Variants in ST6GAL1 observed in about 807,000 individuals in gnomAD.
The protein encoded by ST6GAL1 is beta-galactoside alpha-2,6-sialyltransferase 1.
ST6GAL1 carries 20 observed loss-of-function variants against 38.0 expected under a neutral mutation model. That is an observed-to-expected ratio of 0.53 (90% confidence interval 0.37 to 0.77). The LOEUF (loss-of-function observed/expected upper bound fraction) is 0.77, where lower values mean the gene tolerates loss of function less well. Ranked by LOEUF, ST6GAL1 falls within the 30% of genes least tolerant of loss-of-function variation. The pLI is 0.00. For missense variants in ST6GAL1, 432 were observed against 496.4 expected (o/e 0.87, Z 1.23); for synonymous variants, 196 against 188.2 (o/e 1.04, Z -0.34).
rs765716288 is a variant in ST6GAL1, at chr3:187,074,158, G to A, written c.805-1G>A. On this transcript the variant is annotated splice_acceptor_variant, in intron 6 of 7. Coordinates refer to ENST00000169298, the MANE Select transcript of ST6GAL1 (RefSeq NM_173216.2). LOFTEE classifies it high-confidence loss of function. ...GAGAGGACCACTTCTTTCTTTTTCA[G>A]TGGTACCAGAATCCGGATTATAATT... is the stretch of plus-strand genomic sequence containing the variant. The A allele has an allele frequency of 1.2e-6, 2 of 1,604,358 alleles. No individual in the cohort carries two copies. The highest frequency in any genetic ancestry group is 1.1e-5 in the South Asian group (1 of 88,588).
chr3:187,047,246 A>T (rs1227673079), intron 4 of ST6GAL1, among the ~76,000 whole-genome samples: 1 of 141,894 alleles, frequency 7.0e-6, no homozygotes, highest in Non-Finnish European at 1.5e-5. Context: ...CGCCCGGCCA[A>T]GTCATAGTTT....
At chr3:187,005,013 G>A (rs952035091) in intron 2 of ST6GAL1, among the ~76,000 whole-genome samples, 15 of 151,820 alleles carry the variant, frequency 9.9e-5, no homozygotes, top group Non-Finnish European at 1.8e-4. Flanking sequence ...TCTTACAAAC[G>A]TTTTTGACTG....
intron 1 of ST6GAL1, among the ~76,000 whole-genome samples, chr3:186,954,238 A>G (rs1714674490): frequency 6.6e-6 from 1 of 152,104 alleles, no homozygotes; most frequent in Non-Finnish European, 1.5e-5. Context: ...TCACTGATGG[A>G]CGTTTGGGTT....
intron 2 of ST6GAL1, among the ~76,000 whole-genome samples, chr3:187,037,890 T>C: frequency 6.6e-6 from 1 of 152,210 alleles, no homozygotes; most frequent in East Asian, 1.9e-4. Flanking sequence ...TACTTTTTTC[T>C]AGTACTTTTT....
rs1202612953 is a variant in ST6GAL1, at chr3:187,075,883, T to C, written c.*80T>C. ...CCCCAGCCTGGGAAGAACATTTTCC[T>C]GAACAATTCCAGCCTGCTCCTTTTA... is the stretch of plus-strand genomic sequence containing the variant. On this transcript the variant is annotated 3_prime_UTR_variant, in exon 8 of 8. Transcript: ENST00000169298. The surrounding 1 kb of genome is among the most constrained non-coding windows in gnomAD (Gnocchi z 4.1). The C allele has an allele frequency of 1.3e-6, 2 of 1,576,224 alleles. No individual in the cohort carries two copies. Among genetic ancestry groups the C allele is most frequent in the Non-Finnish European group, 1.7e-6 (2 of 1,161,408 alleles).
intron 2 of ST6GAL1, among the ~76,000 whole-genome samples, chr3:186,985,723 C>T (rs546441899): frequency 6.7e-6 from 1 of 149,038 alleles, no homozygotes; most frequent in South Asian, 2.1e-4. Context: ...TGCAGTGAGC[C>T]GAGATTGCGC....
chr3:187,051,826 T>C (rs1718526010), intron 5 of ST6GAL1, among the ~76,000 whole-genome samples: 1 of 152,186 alleles, frequency 6.6e-6, no homozygotes, highest in African/African-American at 2.4e-5. Flanking sequence ...TTCCCCTGGA[T>C]AATTAGGTTC....
intron 5 of ST6GAL1, among the ~76,000 whole-genome samples, chr3:187,058,308 TCCAACCAGTC>T (rs1189075237): frequency 2.0e-5 from 3 of 152,162 alleles, no homozygotes; most frequent in Admixed American, 2.0e-4. Context: ...GCACCCACTG[TCCAACCAGTC>T]CCAATGATAT....
At chr3:186,961,184 C>T (rs1404229108) in intron 1 of ST6GAL1, among the ~76,000 whole-genome samples, 1 of 152,116 alleles carries the variant, frequency 6.6e-6, no homozygotes, top group African/African-American at 2.4e-5. Context: ...CCATGTTGAC[C>T]AAGCTGGTCT....
rs1263748344 is a variant in ST6GAL1, at chr3:187,075,038, C to T, written c.980-524C>T. Among the ~76,000 whole-genome samples the T allele has an allele frequency of 6.6e-6, 1 of 152,142 alleles. No individual in the cohort carries two copies. The highest frequency in any genetic ancestry group is 2.4e-5 in the African/African-American group (1 of 41,420). On this transcript the variant is annotated intron_variant, in intron 7 of 7. Transcript: ENST00000169298. The surrounding 1 kb of genome is among the most constrained non-coding windows in gnomAD (Gnocchi z 4.1). ...ATTCAGACTGTGGAGTGCTCCTGTT[C>T]CAGCTGTCCCTTTGCCCAGCTAAGG...
At chr3:187,064,326 A>AG (rs997992650) in intron 5 of ST6GAL1, among the ~76,000 whole-genome samples, 1 of 152,186 alleles carries the variant, frequency 6.6e-6, no homozygotes, top group Non-Finnish European at 1.5e-5. Context: ...GAGATAAGGC[A>AG]GGGGGAGGGG....
At chr3:186,975,834 T>C (rs531636897) in intron 2 of ST6GAL1, among the ~76,000 whole-genome samples, 2 of 152,262 alleles carry the variant, frequency 1.3e-5, no homozygotes, top group East Asian at 1.9e-4. Context: ...GGACTCACGA[T>C]TGGGACTAGG....
chr3:187,042,778 G>A lies in ST6GAL1; in HGVS notation c.75G>A (p.Val25=). The A allele has an allele frequency of 6.2e-7, 1 of 1,614,194 alleles. No individual in the cohort carries two copies. Among genetic ancestry groups the A allele is most frequent in the Non-Finnish European group, 8.5e-7 (1 of 1,180,024 alleles). Residue 25 remains valine, a synonymous_variant, in exon 4 of 8, where the codon GTG becomes GTA. Coordinates refer to ENST00000169298, the MANE Select transcript of ST6GAL1 (RefSeq NM_173216.2). ...LVFLLFAVIC[V]WKEKKKGSYY... ...TTCTTCTGTTTGCAGTCATCTGTGT[G>A]TGGAAGGAAAAGAAGAAAGGGAGTT...
chr3:186,933,180 C>T (rs1713821290), intron 1 of ST6GAL1, among the ~76,000 whole-genome samples: 4 of 152,178 alleles, frequency 2.6e-5, no homozygotes, highest in Admixed American at 1.3e-4. Context: ...TCTACGCTGC[C>T]GTGCCCACCT....
At chr3:187,035,961 A>G (rs186424166) in intron 2 of ST6GAL1, among the ~76,000 whole-genome samples, 2 of 152,334 alleles carry the variant, frequency 1.3e-5, no homozygotes, top group Admixed American at 1.3e-4. Flanking sequence ...CAACAGAATA[A>G]ACAGACAACC....
At chr3:187,024,493 TAGAGAG>T (rs61165191) in intron 2 of ST6GAL1, among the ~76,000 whole-genome samples, 24,816 of 85,146 alleles carry the variant, frequency 0.29, 2,258 homozygotes, top group Middle Eastern at 0.39. Context: ...TATATATATA[TAGAGAG>T]AGAGAGAGAG....
At chr3:186,966,655 A>G (rs549357619) in intron 2 of ST6GAL1, among the ~76,000 whole-genome samples, 1 of 152,302 alleles carries the variant, frequency 6.6e-6, no homozygotes, top group South Asian at 2.1e-4. Context: ...TCAAACCCCA[A>G]GGTCTCTTCC....
intron 4 of ST6GAL1, among the ~76,000 whole-genome samples, chr3:187,044,611 C>T (rs76699904): frequency 0.011 from 1,747 of 152,302 alleles, 40 homozygotes; most frequent in African/African-American, 0.04. Flanking sequence ...TTTCTTTCTT[C>T]TCCATTTTTG....
At chr3:187,062,224 A>C (rs1267888547) in intron 5 of ST6GAL1, among the ~76,000 whole-genome samples, 1 of 152,194 alleles carries the variant, frequency 6.6e-6, no homozygotes, top group Non-Finnish European at 1.5e-5. Context: ...ATCCGTGGGC[A>C]CTGTTGATGG....
Sources: gnomAD v4.1 joint callset for allele counts (sites outside exome capture counted in the v4.1 genomes callset) on GRCh38, gnomAD v4.1.1 for gene constraint, Gnocchi (gnomAD v3.1) non-coding constraint, MANE v1.5 for transcripts, NCBI Gene and HGNC (gene_info 2026-07-23, HGNC 2026-07-21) for gene names.